The following MDH1B variants were observed in gnomAD, a reference collection of about 807,000 sequenced individuals.
MDH1B encodes putative malate dehydrogenase 1B.
Under a neutral mutation model 61.4 loss-of-function variants are expected in MDH1B, and 60 were observed. The ratio of observed to expected loss-of-function variants is 0.98; its 90% CI spans 0.79 to 1.21. The LOEUF is 1.21. Ranked by LOEUF, MDH1B falls within the 50% of genes most tolerant of loss-of-function variation. The probability of loss-of-function intolerance (pLI) is 0.00; values close to 1 mark genes in which losing one functional copy is unlikely to be tolerated. For synonymous variants in MDH1B, 236 were observed against 218.7 expected (o/e 1.08, Z -0.70); for missense variants, 587 against 632.1 (o/e 0.93, Z 0.76).
intron 2 of MDH1B, among the ~76,000 whole-genome samples, chr2:206,758,782 A>AC (rs199724647): frequency 1.7e-4 from 24 of 141,184 alleles, no homozygotes; most frequent in Non-Finnish European, 3.4e-4. Context: ...ACACACACAC[A>AC]AAAAAAAAAC....
chr2:206,747,581 T>C (rs998213539), intron 7 of MDH1B, among the ~76,000 whole-genome samples: 5 of 152,156 alleles, frequency 3.3e-5, no homozygotes, highest in African/African-American at 9.7e-5. Flanking sequence ...GCTTCTCCTG[T>C]GAAGAAGCAA....
At chr2:206,742,711 ATT>A (rs59584383) in intron 9 of MDH1B, among the ~76,000 whole-genome samples, 14,965 of 96,044 alleles carry the variant, frequency 0.16, 568 homozygotes, top group East Asian at 0.33. Context: ...TGATGTCTCT[ATT>A]TTTTTTTTTT....
At chr2:206,740,525 A>G (rs1687749224) in intron 10 of MDH1B, among the ~76,000 whole-genome samples, 2 of 152,108 alleles carry the variant, frequency 1.3e-5, no homozygotes, top group South Asian at 4.2e-4. Flanking sequence ...GCATAAGTGG[A>G]CCTGCACAGT....
At chr2:206,743,788 T>A (rs1223404220) in intron 9 of MDH1B, among the ~76,000 whole-genome samples, 1 of 152,024 alleles carries the variant, frequency 6.6e-6, no homozygotes, top group Non-Finnish European at 1.5e-5. Flanking sequence ...TTTACCATTT[T>A]CCCCTTATCA....
chr2:206,751,601 A>G (rs10932164), intron 5 of MDH1B, among the ~76,000 whole-genome samples: 36,508 of 152,134 alleles, frequency 0.24, 5,485 homozygotes, highest in East Asian at 0.71. Context: ...TTAGTCAACA[A>G]ATAGTTATGA....
rs143956802 is a variant in MDH1B, at chr2:206,752,445, G to A, written c.911-1370C>T. Among the ~76,000 whole-genome samples the A allele has an allele frequency of 2.2e-3, 339 of 151,368 alleles. 2 individuals carry two copies. The highest frequency in any genetic ancestry group is 7.6e-3 in the African/African-American group (315 of 41,414). ...TCCTGTGAGATTCCCGCCCCCATCGGAATGATTCCTGCAGTAGGAATAGCT... is the reference window on the plus strand; with the variant it reads ...TCCTGTGAGATTCCCGCCCCCATCGAAATGATTCCTGCAGTAGGAATAGCT... On this transcript the variant is annotated intron_variant, in intron 5 of 11. Transcript: ENST00000374412.
At chr2:206,739,516 A>G (rs1417067232) in intron 11 of MDH1B, 77 bp downstream of exon 11, 7 of 1,323,518 alleles carry the variant, frequency 5.3e-6, no homozygotes, top group Non-Finnish European at 6.5e-6. Flanking sequence ...TAGTATTGCA[A>G]GGAAATTTGA....
At position 206,746,271 on chromosome 2, in the gene MDH1B, T is replaced by G. The variant is rs781224005; in HGVS notation, c.1356+16A>C. On this transcript the variant is annotated intron_variant, in intron 8 of 11. Transcript: ENST00000374412. The stretch of plus-strand genomic sequence containing the variant: ...CATTATCAAGGTCAGTCCCCTTGCA[T>G]CTATTCTGACATTACCTGAATTAGA... 2.5e-6 allele frequency: 4 copies of G among 1,607,154 alleles called. No individual in the cohort carries two copies. Among genetic ancestry groups the G allele is most frequent in the Admixed American group, 3.4e-5 (2 of 58,998 alleles).
intron 5 of MDH1B, among the ~76,000 whole-genome samples, chr2:206,753,434 C>A (rs962016234): frequency 2.6e-5 from 4 of 152,132 alleles, no homozygotes; most frequent in African/African-American, 9.7e-5. Flanking sequence ...AGGTGTGAGC[C>A]ATGGTACCTG....
intron 9 of MDH1B, among the ~76,000 whole-genome samples, chr2:206,744,209 C>T (rs554632639): frequency 6.6e-6 from 1 of 152,326 alleles, no homozygotes; most frequent in Non-Finnish European, 1.5e-5. Flanking sequence ...CAGCAGCCAA[C>T]ATTTACTCCT....
chr2:206,743,403 AC>A (rs1687925699), intron 9 of MDH1B, among the ~76,000 whole-genome samples: 1 of 151,950 alleles, frequency 6.6e-6, no homozygotes, highest in African/African-American at 2.4e-5. Flanking sequence ...CTCTCTGACC[AC>A]CCCTTTCTCA....
chr2:206,761,108 G>T, intron 1 of MDH1B, 95 bp from the exon 2 acceptor site: 1 of 640,580 alleles, frequency 1.6e-6, no homozygotes, highest in African/African-American at 1.8e-5. Context: ...ATTAGTCATA[G>T]TTATGATATA....
chr2:206,751,111 A>C, intron 5 of MDH1B, 36 bp from the exon 6 acceptor site: 2 of 1,405,734 alleles, frequency 1.4e-6, no homozygotes, highest in Non-Finnish European at 1.9e-6. Flanking sequence ...AATAATAATA[A>C]TGTATGTTAA....
chr2:206,750,907 T>A, intron 6 of MDH1B, 27 bp downstream of exon 6: 1 of 1,539,808 alleles, frequency 6.5e-7, no homozygotes, highest in Non-Finnish European at 8.8e-7. Context: ...ACATTGTCAG[T>A]ATGCTTCACT....
chr2:206,753,481 A>G (rs1192937484), intron 5 of MDH1B, among the ~76,000 whole-genome samples: 1 of 152,182 alleles, frequency 6.6e-6, no homozygotes, highest in African/African-American at 2.4e-5. Flanking sequence ...TTTTTGCAAC[A>G]GAAGGAGTCC....
chr2:206,740,530 C>T (rs7562350), intron 10 of MDH1B, among the ~76,000 whole-genome samples: 6,056 of 152,160 alleles, frequency 0.04, 406 homozygotes, highest in African/African-American at 0.14. Context: ...AGTGGACCTG[C>T]ACAGTTCAAA....
chr2:206,760,508 G>C (rs1027222197), intron 2 of MDH1B, among the ~76,000 whole-genome samples: 3 of 152,038 alleles, frequency 2.0e-5, no homozygotes, highest in African/African-American at 7.3e-5. Context: ...CCACTTCCCA[G>C]TAAAGCCCCT....
At position 206,758,785 on chromosome 2, in the gene MDH1B, A is replaced by C. The variant is rs542327689; in HGVS notation, c.136-1414T>G. On this transcript the variant is annotated intron_variant, in intron 2 of 11. Transcript: ENST00000374412. ...CCATCTCAAAACACACACACACAAA[A>C]AAAAAACTAGTGAACGTGGTACTAT... Among the ~76,000 whole-genome samples the C allele has an allele frequency of 4.6e-4, 70 of 151,980 alleles. 1 individual carries two copies. Among genetic ancestry groups the C allele is most frequent in the African/African-American group, 1.3e-3 (53 of 41,448 alleles).
chr2:206,753,543 A>G (rs1288193411), intron 5 of MDH1B, among the ~76,000 whole-genome samples: 2 of 152,196 alleles, frequency 1.3e-5, no homozygotes, highest in African/African-American at 2.4e-5. Context: ...AACTGAACTT[A>G]GGGGTTATCA....
Sources: allele counts gnomAD v4.1 joint callset (sites outside exome capture counted in the v4.1 genomes callset), GRCh38; gene constraint gnomAD v4.1.1; transcripts MANE v1.5; gene names NCBI Gene and HGNC (gene_info 2026-07-23, HGNC 2026-07-21).